Variants in PSAT1 observed in about 807,000 individuals in gnomAD.
PSAT1 encodes the protein phosphoserine aminotransferase.
Under a neutral mutation model 40.3 loss-of-function variants are expected in PSAT1, and 41 were observed. The observed-to-expected ratio is 1.02, with a 90% CI of 0.79 to 1.32. PSAT1 has a LOEUF of 1.32. PSAT1 is among the 40% of genes most tolerant of loss of function. The pLI is 0.00. For synonymous variants in PSAT1, 147 were observed against 170.5 expected (o/e 0.86, Z 1.07); for missense variants, 406 against 455.8 (o/e 0.89, Z 0.99).
intron 6 of PSAT1, among the ~76,000 whole-genome samples, chr9:78,309,088 C>T (rs192805940): frequency 6.8e-4 from 104 of 152,372 alleles, no homozygotes; most frequent in Non-Finnish European, 1.1e-3. Flanking sequence ...TCTCCCTCTG[C>T]ACCATCTCTT....
chr9:78,326,934 A>AATATATATATATATAT (rs1210919066), intron 7 of PSAT1, among the ~76,000 whole-genome samples: 141 of 104,376 alleles, frequency 1.4e-3, no homozygotes, highest in Admixed American at 2.1e-3. Context: ...AAGTGACAGC[A>AATATATATATATATAT]ATATATATAT....
At chr9:78,316,231 T>A (rs1828342745) in intron 6 of PSAT1, among the ~76,000 whole-genome samples, 1 of 152,178 alleles carries the variant, frequency 6.6e-6, no homozygotes, top group African/African-American at 2.4e-5. Context: ...GTGCTAAGCG[T>A]TGGTCTGGCA....
chr9:78,304,825 A>G lies in PSAT1; in HGVS notation c.282A>G (p.Lys94=). ...TCCCCTTAAACCTCATTGGCTTGAA[A>G]GCAGGAAGGTGTGCTGACTATGTGG... ...SAVPLNLIGL[K]AGRCADYVVT... Residue 94 remains lysine, a synonymous_variant, in exon 4 of 9, where the codon AAA becomes AAG. Transcript: ENST00000376588. 1 of 1,614,186 alleles carries G rather than the reference A, an allele frequency of 6.2e-7. No individual in the cohort carries two copies. The highest frequency in any genetic ancestry group is 2.2e-5 in the East Asian group (1 of 44,876).
intron 6 of PSAT1, among the ~76,000 whole-genome samples, chr9:78,312,339 G>A (rs1172085018): frequency 1.3e-5 from 2 of 152,132 alleles, no homozygotes; most frequent in African/African-American, 4.8e-5. Context: ...GCTGCAGTAT[G>A]AGGTGAAGTA....
In PSAT1 at chr9:78,304,683, A is replaced by G. The variant is rs376631453; in HGVS notation, c.192-52A>G. On this transcript the variant is annotated intron_variant, in intron 3 of 8. Coordinates refer to ENST00000376588, the MANE Select transcript of PSAT1 (RefSeq NM_058179.4). ...CTTGGTAGAGCATCACTTGTTCTCA[A>G]TCTTTGACCACATGAGTTTATGTAT... is the stretch of plus-strand genomic sequence containing the variant. 133 of 1,532,194 alleles carry G rather than the reference A, an allele frequency of 8.7e-5. No homozygotes were observed. The African/African-American group carries it at 1.6e-3, about 19-fold the overall frequency. 94.9% of individuals were successfully genotyped at this position (1,532,194 alleles called of 1,614,324 possible). A position where few individuals can be genotyped will look rare whatever the true frequency, so the allele number is the denominator to read the frequency against.
chr9:78,319,197 T>G (rs1392254464), intron 7 of PSAT1, among the ~76,000 whole-genome samples: 1 of 152,194 alleles, frequency 6.6e-6, no homozygotes. Flanking sequence ...AACTTAGGAT[T>G]GTACTTTTTA....
chr9:78,320,917 G>A (rs1828420534), intron 7 of PSAT1, among the ~76,000 whole-genome samples: 2 of 152,130 alleles, frequency 1.3e-5, no homozygotes, highest in South Asian at 4.1e-4. Context: ...TGATGTTAGA[G>A]GACAGAAAGA....
chr9:78,320,005 C>A (rs1002148246), intron 7 of PSAT1, among the ~76,000 whole-genome samples: 2 of 148,672 alleles, frequency 1.3e-5, no homozygotes, highest in African/African-American at 2.4e-5. Context: ...TTCATTCATC[C>A]ATCTGTCTAC....
At chr9:78,297,454 T>C (rs966413068) in intron 1 of PSAT1, among the ~76,000 whole-genome samples, 184 bp downstream of exon 1, 1 of 152,152 alleles carries the variant, frequency 6.6e-6, no homozygotes, top group Non-Finnish European at 1.5e-5. Flanking sequence ...AGAATGCAGT[T>C]GGTGAGGAAG....
In PSAT1 at chr9:78,304,780, G is replaced by A. The variant is rs770678090; in HGVS notation, c.237G>A (p.Gly79=). Reference sequence around the variant, plus strand: ...AGGTGATTTTTCTGCAAGGAGGTGGGTGCGGCCAGTTCAGTGCTGTCCCCT... The same window carrying A: ...AGGTGATTTTTCTGCAAGGAGGTGGATGCGGCCAGTTCAGTGCTGTCCCCT... ...NYKVIFLQGG[G]CGQFSAVPLN... The change falls in exon 4 of 9, where the codon GGG becomes GGA. Residue 79 remains glycine (G), a synonymous_variant. Transcript: ENST00000376588. The A allele has an allele frequency of 1.2e-6, 2 of 1,614,198 alleles. No individual in the cohort carries two copies. The highest frequency in any genetic ancestry group is 1.7e-6 in the Non-Finnish European group (2 of 1,180,040).
chr9:78,313,219 A>AC (rs1178997798), intron 6 of PSAT1, among the ~76,000 whole-genome samples: 3 of 152,140 alleles, frequency 2.0e-5, no homozygotes, highest in Non-Finnish European at 1.5e-5. Flanking sequence ...TACAAAAATT[A>AC]CCCGGGCGTA....
At chr9:78,306,115 A>G (rs1828177701) in intron 4 of PSAT1, among the ~76,000 whole-genome samples, 199 bp from the exon 5 acceptor site, 1 of 152,204 alleles carries the variant, frequency 6.6e-6, no homozygotes, top group African/African-American at 2.4e-5. Context: ...GAAAGGTTGG[A>G]TCGCTCATCC....
intron 1 of PSAT1, chr9:78,298,168 C>G (rs926580332): frequency 4.3e-5 from 13 of 305,312 alleles, no homozygotes; most frequent in Non-Finnish European, 6.2e-5. Flanking sequence ...CCTCCCCTCC[C>G]CCGCCAAACC....
chr9:78,316,294 G>A (rs1828343546), intron 6 of PSAT1, among the ~76,000 whole-genome samples: 1 of 152,212 alleles, frequency 6.6e-6, no homozygotes, highest in African/African-American at 2.4e-5. Context: ...GCTGCGGGAA[G>A]GGCCCAGGTG....
intron 2 of PSAT1, 109 bp from the exon 3 acceptor site, chr9:78,301,845 A>G: frequency 1.2e-6 from 1 of 840,092 alleles, no homozygotes; most frequent in Non-Finnish European, 2.0e-6. Flanking sequence ...AATGCAGAAT[A>G]ACTGAAATTT....
intron 7 of PSAT1, among the ~76,000 whole-genome samples, chr9:78,319,606 GTAGGTA>G (rs1219715524): frequency 1.3e-5 from 2 of 152,248 alleles, no homozygotes; most frequent in African/African-American, 4.8e-5. Context: ...ACGATCAGCA[GTAGGTA>G]TCCAAAGATT....
At chr9:78,321,146 C>T (rs1828424127) in intron 7 of PSAT1, among the ~76,000 whole-genome samples, 1 of 152,168 alleles carries the variant, frequency 6.6e-6, no homozygotes, top group Non-Finnish European at 1.5e-5. Flanking sequence ...GGTCATCCTT[C>T]ACACCCAGAG....
Position 78,304,786 on chromosome 9 carries a change from C to CCAGTT in PSAT1, c.248_252dup (p.Ala85SerfsTer6). Reference sequence around the variant, plus strand: ...TTTTTCTGCAAGGAGGTGGGTGCGGCCAGTTCAGTGCTGTCCCCTTAAACC... The same window carrying CCAGTT: ...TTTTTCTGCAAGGAGGTGGGTGCGGCCAGTTCAGTTCAGTGCTGTCCCCTTAAACC... On this transcript the variant is annotated frameshift_variant, in exon 4 of 9. Coordinates refer to ENST00000376588, the MANE Select transcript of PSAT1 (RefSeq NM_058179.4). LOFTEE classifies it high-confidence loss of function. The CCAGTT allele has an allele frequency of 6.2e-7, 1 of 1,614,176 alleles. No individual in the cohort carries two copies. The highest frequency in any genetic ancestry group is 8.5e-7 in the Non-Finnish European group (1 of 1,180,032).
chr9:78,300,710 CTTTTTTTTTTTTTT>C (rs753207413), intron 2 of PSAT1, 48 bp downstream of exon 2: 7 of 1,107,738 alleles, frequency 6.3e-6, no homozygotes, highest in Non-Finnish European at 7.8e-6. Flanking sequence ...TCAAAGGAAG[CTTTTTTTTTTTTTT>C]TTTTTTTTAG....
Sources: allele counts gnomAD v4.1 joint callset (sites outside exome capture counted in the v4.1 genomes callset), GRCh38; gene constraint gnomAD v4.1.1; transcripts MANE v1.5; gene names NCBI Gene and HGNC (gene_info 2026-07-23, HGNC 2026-07-21).